ARHGAP26: variants seen among roughly 807,000 people sequenced by gnomAD.
ARHGAP26 encodes the protein Rho GTPase activating protein 26, also known as rho GTPase-activating protein 26.
In ARHGAP26, 38 loss-of-function variants were observed where a neutral mutation model predicts 104.8. The ratio of observed to expected loss-of-function variants is 0.36; its 90% CI spans 0.28 to 0.48. The LOEUF (loss-of-function observed/expected upper bound fraction) is 0.48, where lower values mean the gene tolerates loss of function less well. ARHGAP26 is among the 20% of genes least tolerant of loss of function. The pLI, the probability that ARHGAP26 is intolerant of heterozygous loss-of-function variation, is 0.99. For synonymous variants in ARHGAP26, 341 were observed against 340.0 expected (o/e 1.00, Z -0.03); for missense variants, 704 against 947.9 (o/e 0.74, Z 3.38).
chr5:143,169,163 G>A (rs1285020801), intron 20 of ARHGAP26, among the ~76,000 whole-genome samples: 1 of 152,210 alleles, frequency 6.6e-6, no homozygotes, highest in African/African-American at 2.4e-5. Flanking sequence ...TCTGAAAACT[G>A]AACACTGGTG....
At chr5:142,861,190 GGTAA>G (rs1328692028) in intron 1 of ARHGAP26, among the ~76,000 whole-genome samples, 2 of 151,948 alleles carry the variant, frequency 1.3e-5, no homozygotes, top group Admixed American at 6.5e-5. Flanking sequence ...CTATGAGGAG[GGTAA>G]GTGTTTGCCC....
At chr5:143,041,966 T>C in intron 14 of ARHGAP26, 76 bp downstream of exon 14, 1 of 1,268,526 alleles carries the variant, frequency 7.9e-7, no homozygotes. Flanking sequence ...GGTCTGTGAG[T>C]AGATACAGCC....
intron 10 of ARHGAP26, among the ~76,000 whole-genome samples, chr5:142,925,138 C>T (rs571041981): frequency 5.3e-5 from 8 of 152,230 alleles, no homozygotes; most frequent in Non-Finnish European, 7.4e-5. Context: ...TGCCAGCTAC[C>T]GGTTGAGCTG....
chr5:143,022,091 A>AT (rs11462785), intron 12 of ARHGAP26, among the ~76,000 whole-genome samples: 126,207 of 151,856 alleles, frequency 0.83, 52,795 homozygotes, highest in Middle Eastern at 0.93. Flanking sequence ...TATTTCATTT[A>AT]TTTTTTTGAG....
At chr5:143,221,292 G>A (rs1029491943) in intron 22 of ARHGAP26, among the ~76,000 whole-genome samples, 1 of 152,078 alleles carries the variant, frequency 6.6e-6, no homozygotes, top group African/African-American at 2.4e-5. Context: ...GGGCAATAGA[G>A]GGAGGAAGAG....
chr5:143,112,349 T>G (rs975739169), intron 17 of ARHGAP26, among the ~76,000 whole-genome samples: 1 of 151,828 alleles, frequency 6.6e-6, no homozygotes. Context: ...CCAAAGAAAA[T>G]TTTAGCTCAG....
At chr5:142,890,145 AAAAAAAATATATATATAT>A (rs1758327941) in intron 5 of ARHGAP26, among the ~76,000 whole-genome samples, 1 of 84,706 alleles carries the variant, frequency 1.2e-5, no homozygotes, top group African/African-American at 5.0e-5. Context: ...TTAAAAAAAA[AAAAAAAATATATATATAT>A]ATATATATAT....
chr5:143,002,284 C>T (rs1243268304), intron 11 of ARHGAP26, among the ~76,000 whole-genome samples: 2 of 151,944 alleles, frequency 1.3e-5, no homozygotes, highest in African/African-American at 2.4e-5. Flanking sequence ...GCATACCATC[C>T]CGAGGAATTT....
At chr5:142,909,894 A>G (rs543933233) in intron 9 of ARHGAP26, among the ~76,000 whole-genome samples, 1 of 152,202 alleles carries the variant, frequency 6.6e-6, no homozygotes, top group East Asian at 1.9e-4. Flanking sequence ...ACTCTTTTGT[A>G]TTTTCTCTAT....
rs1808102535 is a variant in ARHGAP26, at chr5:143,203,563, C to T, written c.1989-3635C>T. Reference sequence around the variant, plus strand: ...GACATACCATTTGACCCAGCAATCCCACTACTGTGTATACACCCAAAGGAT... The same window carrying T: ...GACATACCATTTGACCCAGCAATCCTACTACTGTGTATACACCCAAAGGAT... On this transcript the variant is annotated intron_variant, in intron 20 of 22. Transcript: ENST00000645722. 7 of 152,192 alleles carry T rather than the reference C, an allele frequency of 4.6e-5. No homozygotes were observed. In the South Asian group the frequency reaches 1.4e-3, roughly 31 times the overall value. 9.4% of individuals were successfully genotyped at this position (152,192 alleles called of 1,614,324 possible). A position where few individuals can be genotyped will look rare whatever the true frequency, so the allele number is the denominator to read the frequency against.
chr5:143,042,391 T>C (rs931600318), intron 14 of ARHGAP26, among the ~76,000 whole-genome samples: 4 of 152,238 alleles, frequency 2.6e-5, no homozygotes, highest in African/African-American at 7.2e-5. Context: ...TCTTTGCTTC[T>C]AGATTTCAAC....
intron 10 of ARHGAP26, among the ~76,000 whole-genome samples, chr5:142,914,980 G>A (rs983595916): frequency 2.0e-5 from 3 of 152,176 alleles, no homozygotes; most frequent in African/African-American, 7.2e-5. Context: ...TTTGAAGAGG[G>A]CATGCTTTGT....
chr5:143,166,198 T>TTTTGTGTTCACTGCCAGCTAC, intron 20 of ARHGAP26: 1 of 854,460 alleles, frequency 1.2e-6, no homozygotes, highest in Non-Finnish European at 1.5e-6. Context: ...TGTACGTAGC[T>TTTTGTGTTCACTGCCAGCTAC]GGCAGTGAAC....
chr5:142,820,453 AC>A (rs1040311754), intron 1 of ARHGAP26, among the ~76,000 whole-genome samples: 1 of 152,030 alleles, frequency 6.6e-6, no homozygotes, highest in Non-Finnish European at 1.5e-5. Flanking sequence ...AAACAAAAAA[AC>A]AAACAAAAAA....
intron 5 of ARHGAP26, among the ~76,000 whole-genome samples, chr5:142,890,876 A>G (rs1562025678): frequency 1.3e-5 from 2 of 152,216 alleles, no homozygotes; most frequent in Non-Finnish European, 2.9e-5. Context: ...CAGCTAGGAC[A>G]TTGTAGCATT....
chr5:142,902,959 A>T (rs1760577267), intron 7 of ARHGAP26, among the ~76,000 whole-genome samples: 1 of 152,184 alleles, frequency 6.6e-6, no homozygotes, highest in Non-Finnish European at 1.5e-5. Flanking sequence ...GATGCAGCAG[A>T]GGTCTCAGTG....
In ARHGAP26 at chr5:142,871,548, G is replaced by A. The variant is rs1423063171; in HGVS notation, c.155-1852G>A. On this transcript the variant is annotated intron_variant, in intron 1 of 22. Coordinates refer to ENST00000645722, the MANE Select transcript of ARHGAP26 (RefSeq NM_001135608.3). The surrounding 1 kb of genome is among the most constrained non-coding windows in gnomAD (Gnocchi z 4.1). ...AACATTCTGACTAAAATGGGAATGTGTATAACCACACCCACATTTGATGCA... is the reference window on the plus strand; with the variant it reads ...AACATTCTGACTAAAATGGGAATGTATATAACCACACCCACATTTGATGCA... Among the ~76,000 whole-genome samples, 1 of 152,228 alleles carries A rather than the reference G, an allele frequency of 6.6e-6. No individual in the cohort carries two copies. Among genetic ancestry groups the A allele is most frequent in the Non-Finnish European group, 1.5e-5 (1 of 68,028 alleles).
intron 11 of ARHGAP26, among the ~76,000 whole-genome samples, chr5:142,996,005 G>T (rs774594133): frequency 6.6e-6 from 1 of 152,078 alleles, no homozygotes; most frequent in Non-Finnish European, 1.5e-5. Context: ...GAACACATGG[G>T]CACAGGGAGG....
At chr5:142,981,038 C>G (rs1327663128) in intron 11 of ARHGAP26, among the ~76,000 whole-genome samples, 2 of 152,074 alleles carry the variant, frequency 1.3e-5, no homozygotes, top group East Asian at 3.8e-4. Flanking sequence ...TTGAGAAATA[C>G]CAGTACCATC....
Sources: gnomAD v4.1 joint callset for allele counts (sites outside exome capture counted in the v4.1 genomes callset) on GRCh38, gnomAD v4.1.1 for gene constraint, Gnocchi (gnomAD v3.1) non-coding constraint, MANE v1.5 for transcripts, NCBI Gene and HGNC (gene_info 2026-07-23, HGNC 2026-07-21) for gene names.